The following WSB1 variants were observed in gnomAD, a reference collection of about 807,000 sequenced individuals.
WSB1 encodes the protein WD repeat and SOCS box-containing protein 1.
Under a neutral mutation model 50.2 loss-of-function variants are expected in WSB1, and 23 were observed. The observed-to-expected ratio is 0.46, with a 90% confidence interval of 0.33 to 0.65. The LOEUF is 0.65. Ranked by LOEUF, WSB1 falls within the 30% of genes least tolerant of loss-of-function variation. WSB1 has a pLI of 0.02. For missense variants in WSB1, 492 were observed against 522.3 expected, an observed-to-expected ratio of 0.94 and a Z score of 0.56; for synonymous variants, 179 against 172.0, an observed-to-expected ratio of 1.04 and a Z score of -0.32.
Position 27,294,254 on chromosome 17 carries a change from G to A in WSB1, c.-142G>A. 1 of 1,154,528 alleles carries A rather than the reference G, an allele frequency of 8.7e-7. No individual in the cohort carries two copies. Among genetic ancestry groups the A allele is most frequent in the Non-Finnish European group, 1.2e-6 (1 of 817,190 alleles). The allele number at this position is 1,154,528 out of a possible 1,614,324, so 71.5% of individuals were successfully genotyped here. On this transcript the variant is annotated 5_prime_UTR_variant, in exon 1 of 9. Transcript: ENST00000262394. ...AGCTTTCCCGAGGCAGTTAGCAGAA[G>A]CCGCAGCGGCCGCCCCCGCCCGTCT...
chr17:27,300,695 T>G (rs1205636679), intron 1 of WSB1, among the ~76,000 whole-genome samples: 1 of 144,720 alleles, frequency 6.9e-6, no homozygotes, highest in East Asian at 1.9e-4. Context: ...TGGTTTTTTT[T>G]GTTTTTTTTT....
At chr17:27,303,198 T>G in intron 2 of WSB1, 169 bp from the exon 3 acceptor site, 1 of 691,124 alleles carries the variant, frequency 1.4e-6, no homozygotes, top group Non-Finnish European at 2.3e-6. Context: ...TGTCCTTCTC[T>G]CGTAGTTCAA....
intron 1 of WSB1, among the ~76,000 whole-genome samples, chr17:27,300,320 C>G (rs1326646767): frequency 2.0e-5 from 3 of 152,050 alleles, no homozygotes; most frequent in Non-Finnish European, 4.4e-5. Context: ...TACAATTGAC[C>G]AGACAACTGA....
At chr17:27,299,912 C>T (rs1023511845) in intron 1 of WSB1, among the ~76,000 whole-genome samples, 3 of 152,086 alleles carry the variant, frequency 2.0e-5, no homozygotes, top group South Asian at 2.1e-4. Context: ...TCAGTTGCAC[C>T]AAAATAGTGT....
In WSB1 at chr17:27,303,511, A is replaced by G; in HGVS notation, c.354A>G (p.Ser118=). ...DIVWSLAFGS[S]VPEKQSRCVN... is the part of the protein sequence containing the mutation. ...TCTGGAGTCTTGCTTTTGGGTCATC[A>G]GTTCCAGAAAAACAGAGTCGCTGTG... The change falls in exon 3 of 9, where the codon TCA becomes TCG. Residue 118 remains serine (S), a synonymous_variant. Coordinates refer to ENST00000262394, the MANE Select transcript of WSB1 (RefSeq NM_015626.10). The G allele has an allele frequency of 6.2e-7, 1 of 1,614,192 alleles. No homozygotes were observed. Among genetic ancestry groups the G allele is most frequent in the South Asian group, 1.1e-5 (1 of 91,086 alleles).
chr17:27,311,406 A>G (rs764539949), intron 7 of WSB1, 103 bp from the exon 8 acceptor site: 2 of 780,292 alleles, frequency 2.6e-6, no homozygotes, highest in African/African-American at 1.8e-5. Flanking sequence ...TGATGTGTGT[A>G]TTTTGTGACT....
chr17:27,312,509 A>G lies in WSB1; in HGVS notation c.*140A>G. 9.0e-7 allele frequency: 1 copy of G among 1,112,702 alleles called. No individual in the cohort carries two copies. Among genetic ancestry groups the G allele is most frequent in the Non-Finnish European group, 1.3e-6 (1 of 788,092 alleles). The allele number at this position is 1,112,702 out of a possible 1,614,324, so 68.9% of individuals were successfully genotyped here. A position where few individuals can be genotyped will look rare whatever the true frequency, so the allele number is the denominator to read the frequency against. On this transcript the variant is annotated 3_prime_UTR_variant, in exon 9 of 9. Coordinates refer to ENST00000262394, the MANE Select transcript of WSB1 (RefSeq NM_015626.10). ...TATGTTCTTGTACTGCATTTTGATC[A>G]GTTGAGCTTTTAAAATATTATTTAT...
At chr17:27,306,731 C>G in intron 4 of WSB1, 51 bp from the exon 5 acceptor site, 1 of 1,556,410 alleles carries the variant, frequency 6.4e-7, no homozygotes, top group Non-Finnish European at 8.8e-7. Context: ...TGAAATACTG[C>G]TCATTTGAAG....
chr17:27,305,443 G>A (rs1365655600), intron 4 of WSB1, among the ~76,000 whole-genome samples: 1 of 152,302 alleles, frequency 6.6e-6, no homozygotes, highest in African/African-American at 2.4e-5. Flanking sequence ...AAGATACGTT[G>A]GTGTCAAGTA....
chr17:27,309,986 G>C (rs1221262425), intron 6 of WSB1, 75 bp from the exon 7 acceptor site: 5 of 1,140,960 alleles, frequency 4.4e-6, no homozygotes, highest in Non-Finnish European at 6.6e-6. Context: ...TTCAAAGACA[G>C]ATGTACTTTG....
At chr17:27,309,327 T>C (rs1485585595) in intron 6 of WSB1, 55 bp downstream of exon 6, 3 of 1,354,624 alleles carry the variant, frequency 2.2e-6, no homozygotes, top group Admixed American at 4.8e-5. Flanking sequence ...TATCAAGTTA[T>C]GTGAATAATT....
In WSB1 at chr17:27,312,573, T is replaced by A; in HGVS notation, c.*204T>A. The A allele has an allele frequency of 1.6e-6, 1 of 639,450 alleles. No homozygotes were observed. The highest frequency in any genetic ancestry group is 2.5e-5 in the South Asian group (1 of 40,520). The allele number at this position is 639,450 out of a possible 1,614,324, so 39.6% of individuals were successfully genotyped here. A position where few individuals can be genotyped will look rare whatever the true frequency, so the allele number is the denominator to read the frequency against. On this transcript the variant is annotated 3_prime_UTR_variant, in exon 9 of 9. Coordinates refer to ENST00000262394, the MANE Select transcript of WSB1 (RefSeq NM_015626.10). ...ATTTCTGAACATATCAAATATAAATTTTTTTAAAGATCTAACTGTGAAAAC... is the reference window on the plus strand; with the variant it reads ...ATTTCTGAACATATCAAATATAAATATTTTTAAAGATCTAACTGTGAAAAC...
chr17:27,315,730 T>C lies in WSB1; in HGVS notation c.*3361T>C, dbSNP rs2017816252. On this transcript the variant is annotated 3_prime_UTR_variant, in exon 9 of 9. Coordinates refer to ENST00000262394, the MANE Select transcript of WSB1 (RefSeq NM_015626.10). ...GTAATTCTGAACAGACTGTGGCTTA[T>C]GATAATACATTTTAACTAGCAAGTG... The C allele has an allele frequency of 6.6e-6, 1 of 152,258 alleles. No individual in the cohort carries two copies. The highest frequency in any genetic ancestry group is 1.5e-5 in the Non-Finnish European group (1 of 68,054). 9.4% of individuals were successfully genotyped at this position (152,258 alleles called of 1,614,324 possible).
rs779153391 is a variant in WSB1 at position 27,294,295 on chromosome 17, C to T, written c.-101C>T. On this transcript the variant is annotated 5_prime_UTR_variant, in exon 1 of 9. Coordinates refer to ENST00000262394, the MANE Select transcript of WSB1 (RefSeq NM_015626.10). ...CCGCCCGTCTCCTCTGTCCCTGGGCCCGGGAGGGACCAACTTGGCGTCACG... is the reference window on the plus strand; with the variant it reads ...CCGCCCGTCTCCTCTGTCCCTGGGCTCGGGAGGGACCAACTTGGCGTCACG... 2 of 1,523,520 alleles carry T rather than the reference C, an allele frequency of 1.3e-6. No homozygotes were observed. Among genetic ancestry groups the T allele is most frequent in the Non-Finnish European group, 1.8e-6 (2 of 1,116,852 alleles). The allele number at this position is 1,523,520 out of a possible 1,614,324, so 94.4% of individuals were successfully genotyped here.
At chr17:27,306,245 C>T (rs527829618) in intron 4 of WSB1, among the ~76,000 whole-genome samples, 1 of 121,602 alleles carries the variant, frequency 8.2e-6, no homozygotes, top group Non-Finnish European at 1.6e-5. Context: ...TGGAGTCTCG[C>T]TCTTTCGCCC....
chr17:27,295,206 C>G (rs973812572), intron 1 of WSB1, among the ~76,000 whole-genome samples: 5 of 152,194 alleles, frequency 3.3e-5, no homozygotes, highest in African/African-American at 1.2e-4. Flanking sequence ...ATAACTGGAA[C>G]AACGTTTGAC....
Position 27,314,990 on chromosome 17 carries a change from A to G in WSB1, c.*2621A>G, listed in dbSNP as rs909584967. On this transcript the variant is annotated 3_prime_UTR_variant, in exon 9 of 9. Transcript: ENST00000262394. ...CCAAAACAGCATTTTTGGAAGCTAC[A>G]TTCTGTGAGATGTTCACCTGTTTGC... is the stretch of plus-strand genomic sequence containing the variant. 2.6e-5 allele frequency: 4 copies of G among 152,318 alleles called. No individual in the cohort carries two copies. The highest frequency in any genetic ancestry group is 3.4e-3 in the Middle Eastern group (1 of 296). 9.4% of individuals were successfully genotyped at this position (152,318 alleles called of 1,614,324 possible). A position where few individuals can be genotyped will look rare whatever the true frequency, so the allele number is the denominator to read the frequency against.
chr17:27,308,142 C>A, intron 5 of WSB1: 9 of 1,028,594 alleles, frequency 8.7e-6, no homozygotes, highest in Non-Finnish European at 1.0e-5. Flanking sequence ...AGATATCTTA[C>A]GTCTTTGATT....
chr17:27,308,914 T>C (rs765414565), intron 5 of WSB1, 186 bp from the exon 6 acceptor site: 1 of 1,213,950 alleles, frequency 8.2e-7, no homozygotes, highest in South Asian at 3.7e-5. Flanking sequence ...AGAATTTGCA[T>C]GTCTGCCTTA....
Sources: allele counts gnomAD v4.1 joint callset (sites outside exome capture counted in the v4.1 genomes callset), GRCh38; gene constraint gnomAD v4.1.1; transcripts MANE v1.5; gene names NCBI Gene and HGNC (gene_info 2026-07-23, HGNC 2026-07-21).